PMS1: variants seen among roughly 807,000 people sequenced by gnomAD.
PMS1 encodes PMS1 homolog 1, mismatch repair system component, also known as PMS1 protein homolog 1.
A neutral mutation model predicts 93.1 loss-of-function variants in PMS1; 79 were observed. That is an observed-to-expected ratio of 0.85 (90% confidence interval 0.71 to 1.02). The LOEUF is 1.02. Ranked by LOEUF, PMS1 falls within the 50% of genes least tolerant of loss-of-function variation. The pLI, the probability that PMS1 is intolerant of heterozygous loss-of-function variation, is 0.00. For synonymous variants in PMS1, 335 were observed against 363.4 expected (o/e 0.92, Z 0.89); for missense variants, 1,064 against 1,085.3 (o/e 0.98, Z 0.28).
At chr2:189,855,604 G>A (rs532206351) in intron 9 of PMS1, among the ~76,000 whole-genome samples, 54 of 151,716 alleles carry the variant, frequency 3.6e-4, no homozygotes, top group Non-Finnish European at 1.8e-4. Flanking sequence ...TATTATTGGC[G>A]ATTCAATTTA....
At chr2:189,825,071 C>T (rs1187122607) in intron 5 of PMS1, among the ~76,000 whole-genome samples, 2 of 152,074 alleles carry the variant, frequency 1.3e-5, no homozygotes, top group African/African-American at 4.8e-5. Context: ...GCGCATAATA[C>T]GAGAAGTACT....
At chr2:189,876,718 C>G (rs949725771) in intron 12 of PMS1, among the ~76,000 whole-genome samples, 1 of 151,914 alleles carries the variant, frequency 6.6e-6, no homozygotes, top group Non-Finnish European at 1.5e-5. Context: ...AGTGATCCTC[C>G]TGCCTCGGCC....
chr2:189,819,636 G>A (rs1361814970), intron 5 of PMS1, among the ~76,000 whole-genome samples: 1 of 152,156 alleles, frequency 6.6e-6, no homozygotes, highest in Admixed American at 6.6e-5. Flanking sequence ...GATTAGTAAT[G>A]TTGAGCATTT....
At chr2:189,805,606 C>T (rs778088198) in intron 3 of PMS1, 46 bp from the exon 4 acceptor site, 11 of 1,390,676 alleles carry the variant, frequency 7.9e-6, no homozygotes, top group South Asian at 2.3e-5. Flanking sequence ...ATGAACCCAT[C>T]GCAATATCTA....
intron 3 of PMS1, among the ~76,000 whole-genome samples, chr2:189,797,244 C>G (rs1178548219): frequency 6.6e-6 from 1 of 152,184 alleles, no homozygotes; most frequent in Non-Finnish European, 1.5e-5. Flanking sequence ...TAAACCTTAA[C>G]TAGTTAAGGG....
intron 4 of PMS1, among the ~76,000 whole-genome samples, chr2:189,810,067 C>G (rs1056541732): frequency 2.6e-5 from 4 of 152,114 alleles, no homozygotes; most frequent in Non-Finnish European, 4.4e-5. Context: ...AACTTACTGA[C>G]TAGTGGGGAA....
chr2:189,868,374 T>C (rs2056851485), intron 11 of PMS1, among the ~76,000 whole-genome samples: 1 of 152,234 alleles, frequency 6.6e-6, no homozygotes, highest in South Asian at 2.1e-4. Context: ...GGAGAATGGA[T>C]GATTTGGTTC....
intron 3 of PMS1, among the ~76,000 whole-genome samples, chr2:189,796,804 T>C (rs2049402094): frequency 6.6e-6 from 1 of 152,206 alleles, no homozygotes; most frequent in East Asian, 1.9e-4. Context: ...TCACCCACCT[T>C]TGGGCTATTG....
At chr2:189,792,448 C>T (rs2048948494) in intron 2 of PMS1, among the ~76,000 whole-genome samples, 1 of 151,716 alleles carries the variant, frequency 6.6e-6, no homozygotes, top group African/African-American at 2.4e-5. Flanking sequence ...CTATTTTATT[C>T]ATTTTTGTGT....
chr2:189,828,114 C>T lies in PMS1; in HGVS notation c.582+9934C>T, dbSNP rs529971783. On this transcript the variant is annotated intron_variant, in intron 5 of 12. Transcript: ENST00000441310. ...AATTTTTTGTTTTTTTTAGTAGAGA[C>T]GGGGTTTCACCATATTAGCCAGGAT... Among the ~76,000 whole-genome samples the T allele has an allele frequency of 4.1e-4, 63 of 151,914 alleles. No homozygotes were observed. In the East Asian group the frequency reaches 9.1e-3, roughly 22 times the overall value.
At chr2:189,852,132 T>G (rs1282572015) in intron 6 of PMS1, among the ~76,000 whole-genome samples, 1 of 152,176 alleles carries the variant, frequency 6.6e-6, no homozygotes, top group Non-Finnish European at 1.5e-5. Flanking sequence ...CAATCAGTAT[T>G]TAGCCCTGAG....
At position 189,842,306 on chromosome 2, in the gene PMS1, CTTT is replaced by C. The variant is rs1196703802; in HGVS notation, c.583-1656_583-1654del. ...CTCTGTGACCACTCCTTATAGGTTC[CTTT>C]TCTTCTTGTGCCTGCCCCTTTAATG... On this transcript the variant is annotated intron_variant, in intron 5 of 12. Transcript: ENST00000441310. Among the ~76,000 whole-genome samples, 10 of 152,068 alleles carry C rather than the reference CTTT, an allele frequency of 6.6e-5. No individual in the cohort carries two copies. In the East Asian group the frequency reaches 2.0e-3, roughly 30 times the overall value.
At chr2:189,846,717 C>T (rs2054283945) in intron 6 of PMS1, among the ~76,000 whole-genome samples, 1 of 152,132 alleles carries the variant, frequency 6.6e-6, no homozygotes, top group Non-Finnish European at 1.5e-5. Context: ...ATTTTCATGC[C>T]TGAGAATGAT....
At chr2:189,832,382 C>T (rs1192606724) in intron 5 of PMS1, among the ~76,000 whole-genome samples, 3 of 152,272 alleles carry the variant, frequency 2.0e-5, no homozygotes, top group South Asian at 4.1e-4. Context: ...GTAACCTTTT[C>T]TGTAAAGTCA....
At chr2:189,817,995 CT>C (rs2051475047) in intron 4 of PMS1, 21 bp from the exon 5 acceptor site, 4 of 1,582,000 alleles carry the variant, frequency 2.5e-6, no homozygotes, top group Non-Finnish European at 3.5e-6. Flanking sequence ...TCTAAATGTG[CT>C]TTTCTCTTGT....
chr2:189,818,232 A>G, intron 5 of PMS1, 52 bp downstream of exon 5: 2 of 1,178,266 alleles, frequency 1.7e-6, no homozygotes, highest in Non-Finnish European at 2.5e-6. Context: ...ATAATAAACA[A>G]TGTATACTTT....
At chr2:189,872,920 C>T (rs1161955741) in intron 11 of PMS1, among the ~76,000 whole-genome samples, 2 of 152,176 alleles carry the variant, frequency 1.3e-5, no homozygotes, top group Non-Finnish European at 2.9e-5. Context: ...AGGTGTGAGC[C>T]ACTATGCCCA....
rs1367541695 is a variant in PMS1 at position 189,843,947 on chromosome 2, A to G, written c.583-17A>G. On this transcript the variant is annotated splice_polypyrimidine_tract_variant and intron_variant, in intron 5 of 12. Coordinates refer to ENST00000441310, the MANE Select transcript of PMS1 (RefSeq NM_000534.5). ...CTAAATTGTATTAAAAGTTATCTAT[A>G]TCATTTTTGTCCCTAGGCAGTTATT... is the stretch of plus-strand genomic sequence containing the variant. 26 of 1,595,132 alleles carry G rather than the reference A, an allele frequency of 1.6e-5. No individual in the cohort carries two copies. Among genetic ancestry groups the G allele is most frequent in the Non-Finnish European group, 2.1e-5 (25 of 1,163,038 alleles).
rs570417545 is a variant in PMS1 at position 189,815,076 on chromosome 2, G to C, written c.419-2941G>C. On this transcript the variant is annotated intron_variant, in intron 4 of 12. Coordinates refer to ENST00000441310, the MANE Select transcript of PMS1 (RefSeq NM_000534.5). Reference sequence around the variant, plus strand: ...ATCATGCCACTGCACTCCAGCCTGGGCAACAGAGAGACTCCATCTCAAAAA... The same window carrying C: ...ATCATGCCACTGCACTCCAGCCTGGCCAACAGAGAGACTCCATCTCAAAAA... Among the ~76,000 whole-genome samples, 198 of 148,558 alleles carry C rather than the reference G, an allele frequency of 1.3e-3. 2 individuals are homozygous for C. Among genetic ancestry groups the C allele is most frequent in the African/African-American group, 4.8e-3 (191 of 40,084 alleles).
Sources: gnomAD v4.1 joint callset for allele counts (sites outside exome capture counted in the v4.1 genomes callset) on GRCh38, gnomAD v4.1.1 for gene constraint, MANE v1.5 for transcripts, NCBI Gene and HGNC (gene_info 2026-07-23, HGNC 2026-07-21) for gene names.